Variants in PLD3 observed in about 807,000 individuals in gnomAD.
PLD3 encodes phospholipase D family member 3.
PLD3 carries 31 observed loss-of-function variants against 58.4 expected under a neutral mutation model. That is an observed-to-expected ratio of 0.53 (90% CI 0.40 to 0.72). The LOEUF is 0.72. Ranked by LOEUF, PLD3 falls within the 30% of genes least tolerant of loss-of-function variation. PLD3 has a pLI of 0.00. For missense variants in PLD3, 595 were observed against 659.8 expected (o/e 0.90, Z 1.08); for synonymous variants, 264 against 273.4 (o/e 0.97, Z 0.34).
chr19:40,374,601 G>C lies in PLD3; in HGVS notation c.1000G>C (p.Glu334Gln). The C allele has an allele frequency of 6.2e-7, 1 of 1,614,104 alleles. No homozygotes were observed. The highest frequency in any genetic ancestry group is 2.2e-5 in the East Asian group (1 of 44,880). ...TGTCATGAACTACCTGCCCACTCTG[G>C]AGTTCTCCCACCCTCACAGGTACTG... Reference protein sequence around the residue: ...VAVMNYLPTLEFSHPHRFWPA... With the variant: ...VAVMNYLPTLQFSHPHRFWPA... Residue 334 changes from glutamate (E) to glutamine (Q), a missense_variant, in exon 10 of 13, where the codon GAG (glutamate) becomes CAG (glutamine). By Grantham distance (29) the Glu-to-Gln change is conservative (BLOSUM62 2). Transcript: ENST00000409735.
rs1200040589 is a variant in PLD3, at chr19:40,378,394, G to C, written c.*221G>C. The C allele has an allele frequency of 6.1e-6, 4 of 650,768 alleles. No homozygotes were observed. Among genetic ancestry groups the C allele is most frequent in the Non-Finnish European group, 1.1e-5 (4 of 361,682 alleles). The allele number at this position is 650,768 out of a possible 1,614,324, so 40.3% of individuals were successfully genotyped here. On this transcript the variant is annotated 3_prime_UTR_variant, in exon 13 of 13. Transcript: ENST00000409735. ...GAGGGATCAGCCCCCAAAGAAATGG[G>C]GGTGCATGCTGGGCCTGGCCCCCTG... is the stretch of plus-strand genomic sequence containing the variant.
At position 40,376,641 on chromosome 19, in the gene PLD3, G is replaced by A. The variant is rs545286354; in HGVS notation, c.1052G>A (p.Arg351Gln). The A allele has an allele frequency of 1.8e-4, 286 of 1,608,504 alleles. 1 individual carries two copies. The highest frequency in any genetic ancestry group is 2.2e-4 in the Non-Finnish European group (263 of 1,179,978). Residue 351 changes from arginine to glutamine, a missense_variant, in exon 11 of 13, where the codon CGG (arginine) becomes CAG (glutamine). By Grantham distance (43) the Arg-to-Gln change is conservative. Coordinates refer to ENST00000409735, the MANE Select transcript of PLD3 (RefSeq NM_012268.4). ...FWPAIDDGLRRATYERGVKVR... is the reference protein window; with the variant it reads ...FWPAIDDGLRQATYERGVKVR... ...CCTGCCATTGACGATGGGCTGCGGCGGGCCACCTACGAGCGTGGCGTCAAG... is the reference window on the plus strand; with the variant it reads ...CCTGCCATTGACGATGGGCTGCGGCAGGCCACCTACGAGCGTGGCGTCAAG...
At chr19:40,349,825 G>A (rs2078445015) in intron 1 of PLD3, among the ~76,000 whole-genome samples, 1 of 151,284 alleles carries the variant, frequency 6.6e-6, no homozygotes, top group Non-Finnish European at 1.5e-5. Context: ...GGGCGTGGTG[G>A]TGCATGCCTA....
At position 40,366,789 on chromosome 19, in the gene PLD3, T is replaced by C; in HGVS notation, c.119T>C (p.Leu40Pro). ...KAAEKKARWV[L>P]LVLILAVVGF... is the part of the protein sequence containing the mutation. ...TCCCCACAGAAAGCCCGCTGGGTCC[T>C]GCTGGTCCTCATTCTGGCGGTTGTG... Residue 40 changes from leucine (L) to proline (P), a missense_variant, in exon 5 of 13, where the codon CTG becomes CCG. Leu to Pro is a moderately conservative substitution (Grantham distance 98). Transcript: ENST00000409735. The C allele has an allele frequency of 6.2e-7, 1 of 1,613,972 alleles. No individual in the cohort carries two copies. The highest frequency in any genetic ancestry group is 8.5e-7 in the Non-Finnish European group (1 of 1,179,902).
intron 1 of PLD3, among the ~76,000 whole-genome samples, chr19:40,352,718 T>C (rs1173028772): frequency 6.6e-6 from 1 of 152,178 alleles, no homozygotes; most frequent in Admixed American, 6.6e-5. Flanking sequence ...ATCCCAGCAC[T>C]TTGAGAGGTT....
At chr19:40,372,114 A>G (rs2079081311) in intron 9 of PLD3, among the ~76,000 whole-genome samples, 1 of 152,250 alleles carries the variant, frequency 6.6e-6, no homozygotes, top group South Asian at 2.1e-4. Flanking sequence ...CCCTGGGTTC[A>G]TGCACACCAA....
chr19:40,368,674 A>G (rs973943634), intron 6 of PLD3, among the ~76,000 whole-genome samples: 10 of 152,158 alleles, frequency 6.6e-5, no homozygotes, highest in Non-Finnish European at 1.0e-4. Flanking sequence ...AGGCCTAGAC[A>G]GGAGGATCAC....
rs757002663 is a variant in PLD3, at chr19:40,370,476, C to A, written c.678+239C>A. 4.1e-5 allele frequency: 16 copies of A among 385,872 alleles called. 1 individual carries two copies. The highest frequency in any genetic ancestry group is 3.0e-4 in the South Asian group (9 of 29,612). 23.9% of individuals were successfully genotyped at this position (385,872 alleles called of 1,614,324 possible). A position where few individuals can be genotyped will look rare whatever the true frequency, so the allele number is the denominator to read the frequency against. On this transcript the variant is annotated intron_variant, in intron 8 of 12. Transcript: ENST00000409735. ...TTGCTTGAGCCCAGGAGTTGGAGAC[C>A]AGCCTGGGCAACATAGTGAGACCCC... is the stretch of plus-strand genomic sequence containing the variant.
At position 40,371,880 on chromosome 19, in the gene PLD3, C is replaced by T. The variant is rs1449224495; in HGVS notation, c.879+7C>T. 6 of 1,611,970 alleles carry T rather than the reference C, an allele frequency of 3.7e-6. No homozygotes were observed. Among genetic ancestry groups the T allele is most frequent in the Non-Finnish European group, 5.1e-6 (6 of 1,178,570 alleles). ...TGCTCTGGCCTACCTGGCGGTGAGTCTGGGGCAAGTGGGGCCTGTCATGTC... is the reference window on the plus strand; with the variant it reads ...TGCTCTGGCCTACCTGGCGGTGAGTTTGGGGCAAGTGGGGCCTGTCATGTC... On this transcript the variant is annotated splice_region_variant and intron_variant, in intron 9 of 12. Coordinates refer to ENST00000409735, the MANE Select transcript of PLD3 (RefSeq NM_012268.4).
intron 1 of PLD3, among the ~76,000 whole-genome samples, chr19:40,354,069 C>CTTTTT (rs36125021): frequency 5.1e-5 from 4 of 78,252 alleles, no homozygotes; most frequent in African/African-American, 5.7e-5. Context: ...ATTTTTTAGC[C>CTTTTT]TTTTTTTTTT....
chr19:40,377,944 G>T, intron 12 of PLD3, 42 bp from the exon 13 acceptor site: 10 of 1,611,900 alleles, frequency 6.2e-6, no homozygotes, highest in Non-Finnish European at 8.5e-6. Context: ...ACCAGGGGCG[G>T]CCCCCCGAGG....
chr19:40,370,294 C>G lies in PLD3; in HGVS notation c.678+57C>G, dbSNP rs148627294. 8.6e-4 allele frequency: 1,340 copies of G among 1,555,788 alleles called. 13 individuals are homozygous for G. The African/African-American group carries it at 0.014, about 16-fold the overall frequency. ...GGCCACTCCCTGCCCCACAGGGCAC[C>G]CAGCCTCCGACTGCATCCCTCACTC... On this transcript the variant is annotated intron_variant, in intron 8 of 12. Transcript: ENST00000409735.
intron 8 of PLD3, 50 bp downstream of exon 8, chr19:40,370,287 A>G: frequency 6.3e-7 from 1 of 1,574,948 alleles, no homozygotes; most frequent in South Asian, 1.2e-5. Flanking sequence ...CCTGCCCCAC[A>G]GGGCACCCAG....
intron 9 of PLD3, among the ~76,000 whole-genome samples, chr19:40,373,003 G>A (rs910878477): frequency 6.6e-6 from 1 of 152,146 alleles, no homozygotes; most frequent in African/African-American, 2.4e-5. Context: ...ACTGGCTCTC[G>A]CCATGGCAGA....
At chr19:40,359,257 TC>T (rs2078724253) in intron 1 of PLD3, 1 of 150,730 alleles carries the variant, frequency 6.6e-6, no homozygotes, top group African/African-American at 2.4e-5. Context: ...ACCATGTTGG[TC>T]AGGCTGGTCT....
intron 1 of PLD3, among the ~76,000 whole-genome samples, chr19:40,364,776 A>G (rs2078874701): frequency 6.7e-6 from 1 of 148,266 alleles, no homozygotes; most frequent in Non-Finnish European, 1.5e-5. Flanking sequence ...AGCGTGGGAG[A>G]GACAGAGCGA....
chr19:40,354,601 C>T (rs2078605507), intron 1 of PLD3, among the ~76,000 whole-genome samples: 1 of 152,126 alleles, frequency 6.6e-6, no homozygotes, highest in Non-Finnish European at 1.5e-5. Flanking sequence ...GCTCAGTTCA[C>T]TACAACCTCT....
rs1426181669 is a variant in PLD3 at position 40,366,469 on chromosome 19, C to G, written c.-15C>G. 1.9e-6 allele frequency: 3 copies of G among 1,613,622 alleles called. No individual in the cohort carries two copies. Among genetic ancestry groups the G allele is most frequent in the Non-Finnish European group, 1.7e-6 (2 of 1,179,700 alleles). On this transcript the variant is annotated 5_prime_UTR_variant, in exon 3 of 13. Coordinates refer to ENST00000409735, the MANE Select transcript of PLD3 (RefSeq NM_012268.4). ...TCTCACCTGGGCTCTGCGTATCCCC[C>G]AGCCTTGAGGGAAGATGAAGCCTAA...
intron 1 of PLD3, among the ~76,000 whole-genome samples, chr19:40,363,414 A>ATTTG (rs56862567): frequency 0.2 from 30,761 of 150,830 alleles, 3,189 homozygotes; most frequent in African/African-American, 0.26. Flanking sequence ...TTCTTGCTAG[A>ATTTG]TTTGTTTGTT....
Sources: allele counts gnomAD v4.1 joint callset (sites outside exome capture counted in the v4.1 genomes callset), GRCh38; gene constraint gnomAD v4.1.1; transcripts MANE v1.5; gene names NCBI Gene and HGNC (gene_info 2026-07-23, HGNC 2026-07-21).